Variants in MON2 observed in about 807,000 individuals in gnomAD.
MON2 encodes the protein MON2 regulator of endosome-to-Golgi trafficking.
A neutral mutation model predicts 208.6 loss-of-function variants in MON2; 84 were observed. The ratio of observed to expected loss-of-function variants is 0.40; its 90% confidence interval spans 0.34 to 0.48. The LOEUF is 0.48. Among genes scored for constraint, MON2 ranks in the 20% least tolerant of loss-of-function variants. The pLI is 0.59. For missense variants in MON2, 1,611 were observed against 2,015.4 expected, an observed-to-expected ratio of 0.80 and a Z score of 3.84; for synonymous variants, 660 against 694.0, an observed-to-expected ratio of 0.95 and a Z score of 0.77.
chr12:62,555,074 G>A (rs1446331885), intron 24 of MON2, among the ~76,000 whole-genome samples: 1 of 152,028 alleles, frequency 6.6e-6, no homozygotes, highest in African/African-American at 2.4e-5. Flanking sequence ...GGGATTACAG[G>A]CATGAGCCAC....
chr12:62,576,719 C>T (rs1013145864), intron 30 of MON2, among the ~76,000 whole-genome samples: 2 of 151,716 alleles, frequency 1.3e-5, no homozygotes, highest in African/African-American at 2.4e-5. Context: ...TTTTTAAAAG[C>T]TCAATCGATG....
intron 11 of MON2, among the ~76,000 whole-genome samples, chr12:62,531,207 A>G (rs1372611202): frequency 1.3e-5 from 2 of 151,980 alleles, no homozygotes; most frequent in Non-Finnish European, 2.9e-5. Flanking sequence ...TTGAAGTACA[A>G]TTGTTTTTAA....
intron 32 of MON2, among the ~76,000 whole-genome samples, chr12:62,584,994 TG>T (rs997977494): frequency 1.3e-5 from 2 of 150,808 alleles, no homozygotes; most frequent in Non-Finnish European, 2.9e-5. Flanking sequence ...TCAAGAAATA[TG>T]TTGAATAGAA....
At chr12:62,590,424 T>C (rs575614928) in intron 34 of MON2, among the ~76,000 whole-genome samples, 1 of 152,300 alleles carries the variant, frequency 6.6e-6, no homozygotes, top group African/African-American at 2.4e-5. Flanking sequence ...TTACTTGATC[T>C]TTATTTAAAA....
At position 62,535,063 on chromosome 12, in the gene MON2, T is replaced by C. The variant is rs2072903493; in HGVS notation, c.1715+137T>C. The C allele has an allele frequency of 6.4e-6, 4 of 629,824 alleles. No individual in the cohort carries two copies. The South Asian group carries it at 8.7e-5, about 14-fold the overall frequency. 39.0% of individuals were successfully genotyped at this position (629,824 alleles called of 1,614,324 possible). On this transcript the variant is annotated intron_variant, in intron 13 of 34. Coordinates refer to ENST00000393630, the MANE Select transcript of MON2 (RefSeq NM_015026.3). The stretch of plus-strand genomic sequence containing the variant: ...TGTGTGAAACATTATTCTTTTTCCC[T>C]CATCCCCCTTCCTCATTCTGTCCTT...
At chr12:62,504,343 C>T (rs1488061367) in intron 7 of MON2, among the ~76,000 whole-genome samples, 1 of 148,406 alleles carries the variant, frequency 6.7e-6, no homozygotes, top group African/African-American at 2.5e-5. Flanking sequence ...CTCCCATGTT[C>T]ACGCCATTCT....
intron 30 of MON2, among the ~76,000 whole-genome samples, chr12:62,574,791 C>T (rs572760392): frequency 1.3e-5 from 2 of 152,028 alleles, no homozygotes; most frequent in African/African-American, 4.8e-5. Context: ...TTCTGTTGAT[C>T]GTGAGCTGGT....
At chr12:62,486,255 T>A (rs916415311) in intron 2 of MON2, among the ~76,000 whole-genome samples, 5 of 125,768 alleles carry the variant, frequency 4.0e-5, no homozygotes, top group Non-Finnish European at 7.9e-5. Context: ...AGACTTTTTT[T>A]AAAAAAAGAC....
chr12:62,585,470 G>C lies in MON2; in HGVS notation c.4876G>C (p.Glu1626Gln). ...QDVLHRYIEDERLSGKCPLPR... is the reference protein window; with the variant it reads ...QDVLHRYIEDQRLSGKCPLPR... The stretch of plus-strand genomic sequence containing the variant: ...TGTACTACATCGCTATATAGAGGAT[G>C]AAAGATTAAGTGGTAAATGCCCTCT... Residue 1626 changes from glutamate to glutamine, a missense_variant, in exon 33 of 35, where the codon GAA becomes CAA. Physicochemically the swap from Glu to Gln is conservative, Grantham distance 29 (BLOSUM62 2). Coordinates refer to ENST00000393630, the MANE Select transcript of MON2 (RefSeq NM_015026.3). 6.2e-7 allele frequency: 1 copy of C among 1,610,960 alleles called. No individual in the cohort carries two copies. The highest frequency in any genetic ancestry group is 8.5e-7 in the Non-Finnish European group (1 of 1,177,682).
rs1260532548 is a variant in MON2, at chr12:62,495,095, T to G, written c.383T>G (p.Val128Gly). Reference sequence around the variant, plus strand: ...GAAGAACTTAAGCTACTTCAAACAGTTCTTGTTCTTTTAACAACCAATACA... The same window carrying G: ...GAAGAACTTAAGCTACTTCAAACAGGTCTTGTTCTTTTAACAACCAATACA... The part of the protein sequence containing the change: ...SLEELKLLQT[V>G]LVLLTTNTVV... Residue 128 changes from valine (V) to glycine (G), a missense_variant, in exon 4 of 35, where the codon GTT (valine) becomes GGT (glycine). By Grantham distance (109) the Val-to-Gly change is moderately radical (BLOSUM62 -3). Coordinates refer to ENST00000393630, the MANE Select transcript of MON2 (RefSeq NM_015026.3). The G allele has an allele frequency of 6.2e-7, 1 of 1,612,968 alleles. No individual in the cohort carries two copies. Among genetic ancestry groups the G allele is most frequent in the South Asian group, 1.1e-5 (1 of 90,994 alleles).
intron 1 of MON2, 57 bp downstream of exon 1, chr12:62,467,375 C>T (rs2068568387): frequency 8.7e-6 from 12 of 1,378,242 alleles, no homozygotes; most frequent in Non-Finnish European, 1.2e-5. Flanking sequence ...TCCTGTTAGA[C>T]TCAGTGCTTC....
At position 62,597,538 on chromosome 12, in the gene MON2, A is replaced by T. The variant is rs1428805436; in HGVS notation, c.*4789A>T. ...CAAGTTAAAGTAATATGTTCCAAAA[A>T]CTGGAAGTGCCATAAAAAACTAAAA... On this transcript the variant is annotated 3_prime_UTR_variant, in exon 35 of 35. Transcript: ENST00000393630. The T allele has an allele frequency of 6.6e-6, 1 of 152,112 alleles. No individual in the cohort carries two copies. The highest frequency in any genetic ancestry group is 1.5e-5 in the Non-Finnish European group (1 of 68,000). 9.4% of individuals were successfully genotyped at this position (152,112 alleles called of 1,614,324 possible).
At chr12:62,537,287 G>A in intron 15 of MON2, 24 bp downstream of exon 15, 1 of 1,510,280 alleles carries the variant, frequency 6.6e-7, no homozygotes, top group South Asian at 1.2e-5. Flanking sequence ...ATTTTTCTTG[G>A]TTATCAATTA....
At position 62,571,501 on chromosome 12, in the gene MON2, G is replaced by A. The variant is rs200943148; in HGVS notation, c.4433G>A (p.Arg1478Gln). 8.1e-6 allele frequency: 13 copies of A among 1,613,912 alleles called. 1 individual carries two copies. In the East Asian group the frequency reaches 8.9e-5, roughly 11 times the overall value. ...RVLSIGLPVA[R>Q]QHASSGKFDS... ...CTTTCTATTGGGCTACCTGTTGCCC[G>A]GCAGCATGCTTCTTCTGGAAAATTT... is the stretch of plus-strand genomic sequence containing the variant. Residue 1478 changes from arginine to glutamine, a missense_variant, in exon 30 of 35, where the codon CGG (arginine) becomes CAG (glutamine). Arg to Gln is a conservative substitution (Grantham distance 43). Coordinates refer to ENST00000393630, the MANE Select transcript of MON2 (RefSeq NM_015026.3).
intron 2 of MON2, among the ~76,000 whole-genome samples, chr12:62,487,655 T>G (rs1386991260): frequency 6.6e-6 from 1 of 151,730 alleles, no homozygotes; most frequent in Non-Finnish European, 1.5e-5. Flanking sequence ...TTTATTTGCT[T>G]TTAAAATTGA....
At chr12:62,531,962 G>A (rs554997763) in intron 11 of MON2, among the ~76,000 whole-genome samples, 12 of 151,878 alleles carry the variant, frequency 7.9e-5, no homozygotes, top group African/African-American at 1.9e-4. Context: ...GTAGAGACAG[G>A]GTTTCACTGT....
chr12:62,561,010 C>T lies in MON2; in HGVS notation c.3929C>T (p.Pro1310Leu), dbSNP rs200683652. ...GVILHSAISV[P>L]ISSDASPFIL... ...ATATTGCACAGTGCTATTTCAGTCCCAATAAGTTCAGATGCATCCCCTTTT... is the reference window on the plus strand; with the variant it reads ...ATATTGCACAGTGCTATTTCAGTCCTAATAAGTTCAGATGCATCCCCTTTT... Residue 1310 changes from proline (P) to leucine (L), a missense_variant, in exon 26 of 35, where the codon CCA (proline) becomes CTA (leucine). Transcript: ENST00000393630. 1.2e-6 allele frequency: 2 copies of T among 1,613,790 alleles called. No individual in the cohort carries two copies. The highest frequency in any genetic ancestry group is 1.7e-6 in the Non-Finnish European group (2 of 1,179,754).
At chr12:62,503,175 C>T (rs2070930645) in intron 7 of MON2, among the ~76,000 whole-genome samples, 2 of 152,120 alleles carry the variant, frequency 1.3e-5, no homozygotes, top group Admixed American at 1.3e-4. Context: ...CCTGAGATAC[C>T]AGTTATCACT....
intron 30 of MON2, among the ~76,000 whole-genome samples, chr12:62,574,621 T>G (rs557544691): frequency 2.6e-5 from 4 of 152,236 alleles, no homozygotes; most frequent in African/African-American, 7.2e-5. Flanking sequence ...CTAAAAATAA[T>G]AAAGCTTCTA....
Sources: gnomAD v4.1 joint callset for allele counts (sites outside exome capture counted in the v4.1 genomes callset) on GRCh38, gnomAD v4.1.1 for gene constraint, MANE v1.5 for transcripts, NCBI Gene and HGNC (gene_info 2026-07-23, HGNC 2026-07-21) for gene names.